GALNTL6: variants seen among roughly 807,000 people sequenced by gnomAD.
GALNTL6 encodes the protein polypeptide N-acetylgalactosaminyltransferase like 6, also known as polypeptide N-acetylgalactosaminyltransferase-like 6.
A neutral mutation model predicts 73.7 loss-of-function variants in GALNTL6; 46 were observed. The ratio of observed to expected loss-of-function variants is 0.62; its 90% confidence interval spans 0.49 to 0.80. The LOEUF (loss-of-function observed/expected upper bound fraction) is 0.80. Ranked by LOEUF, GALNTL6 falls within the 30% of genes least tolerant of loss-of-function variation. GALNTL6 has a pLI of 0.00. For synonymous variants in GALNTL6, 259 were observed against 263.7 expected (o/e 0.98, Z 0.17); for missense variants, 604 against 755.0 (o/e 0.80, Z 2.34).
At chr4:172,010,931 T>C (rs1740987531) in intron 2 of GALNTL6, among the ~76,000 whole-genome samples, 1 of 152,104 alleles carries the variant, frequency 6.6e-6, no homozygotes, top group Admixed American at 6.6e-5. Flanking sequence ...TCTTGTAAGA[T>C]GGATGCTATA....
intron 5 of GALNTL6, among the ~76,000 whole-genome samples, chr4:172,568,085 T>C (rs1189028377): frequency 3.3e-5 from 5 of 152,200 alleles, no homozygotes; most frequent in African/African-American, 4.8e-5. Flanking sequence ...AATTAATATA[T>C]TGTATAAAAA....
intron 5 of GALNTL6, among the ~76,000 whole-genome samples, chr4:172,793,457 C>T (rs984621481): frequency 3.3e-5 from 5 of 152,252 alleles, no homozygotes; most frequent in Non-Finnish European, 7.4e-5. Flanking sequence ...ATGTCTATCT[C>T]AATTGCAGCA....
chr4:172,079,410 G>T (rs970720084), intron 2 of GALNTL6, among the ~76,000 whole-genome samples: 1 of 151,906 alleles, frequency 6.6e-6, no homozygotes, highest in Non-Finnish European at 1.5e-5. Context: ...TATATATAAT[G>T]CCTTTATGTA....
chr4:172,250,390 A>G (rs1737817903), intron 3 of GALNTL6, among the ~76,000 whole-genome samples: 1 of 152,182 alleles, frequency 6.6e-6, no homozygotes, highest in Non-Finnish European at 1.5e-5. Flanking sequence ...TAATGCTAGA[A>G]TGAGTTGACT....
intron 2 of GALNTL6, among the ~76,000 whole-genome samples, chr4:172,024,842 T>TC (rs1359090703): frequency 3.3e-5 from 5 of 150,806 alleles, no homozygotes; most frequent in African/African-American, 1.2e-4. Flanking sequence ...CTCCCTTCTT[T>TC]CGCTTATTCC....
chr4:172,882,088 G>A, intron 7 of GALNTL6, among the ~76,000 whole-genome samples: 1 of 151,734 alleles, frequency 6.6e-6, no homozygotes, highest in East Asian at 1.9e-4. Flanking sequence ...GGCCTACCAA[G>A]TGGTTATAAT....
intron 2 of GALNTL6, among the ~76,000 whole-genome samples, chr4:171,989,834 C>T (rs1289569883): frequency 3.9e-5 from 6 of 152,130 alleles, no homozygotes; most frequent in Admixed American, 2.0e-4. Flanking sequence ...AGGGTTGCTG[C>T]CGAACGAGCC....
At chr4:172,502,578 C>T (rs2110780311) in intron 5 of GALNTL6, among the ~76,000 whole-genome samples, 1 of 152,212 alleles carries the variant, frequency 6.6e-6, no homozygotes, top group East Asian at 1.9e-4. Flanking sequence ...ACTCTCTACC[C>T]CAAAGCATCA....
intron 5 of GALNTL6, among the ~76,000 whole-genome samples, chr4:172,757,411 G>C (rs1737813671): frequency 6.6e-6 from 1 of 152,148 alleles, no homozygotes; most frequent in African/African-American, 2.4e-5. Context: ...ACCCAACTGG[G>C]TTATAGGATT....
intron 2 of GALNTL6, among the ~76,000 whole-genome samples, chr4:172,155,383 G>T (rs1370670014): frequency 6.6e-6 from 1 of 152,146 alleles, no homozygotes; most frequent in South Asian, 2.1e-4. Context: ...GTCCGTGAAC[G>T]AAAGAAGAAG....
chr4:172,060,570 G>A (rs531684148), intron 2 of GALNTL6, among the ~76,000 whole-genome samples: 2 of 151,828 alleles, frequency 1.3e-5, no homozygotes, highest in East Asian at 1.9e-4. Flanking sequence ...TCTCTAGGAA[G>A]GCAAAATATT....
chr4:171,988,924 G>GA (rs1416895652), intron 2 of GALNTL6, among the ~76,000 whole-genome samples: 6 of 152,132 alleles, frequency 3.9e-5, no homozygotes, highest in Admixed American at 3.3e-4. Context: ...TTTGAACTGG[G>GA]GGAAAAGGTG....
chr4:173,029,749 T>C (rs181190517), intron 12 of GALNTL6, among the ~76,000 whole-genome samples: 7 of 152,354 alleles, frequency 4.6e-5, no homozygotes, highest in Non-Finnish European at 7.3e-5. Context: ...CAGGTCATCT[T>C]TTACATTATG....
At chr4:172,491,273 A>G (rs1242624308) in intron 5 of GALNTL6, among the ~76,000 whole-genome samples, 1 of 152,116 alleles carries the variant, frequency 6.6e-6, no homozygotes, top group Non-Finnish European at 1.5e-5. Context: ...GTGTAAATAA[A>G]TTTTATGAAT....
intron 9 of GALNTL6, among the ~76,000 whole-genome samples, chr4:172,938,351 T>C (rs1748733953): frequency 6.6e-6 from 1 of 152,102 alleles, no homozygotes; most frequent in African/African-American, 2.4e-5. Flanking sequence ...CCCAAGTCGA[T>C]TAATAAATGC....
chr4:172,177,845 G>GTA (rs1361193128), intron 2 of GALNTL6, among the ~76,000 whole-genome samples: 12 of 131,830 alleles, frequency 9.1e-5, no homozygotes, highest in African/African-American at 1.5e-4. Context: ...ATATATATGT[G>GTA]TATATATATA....
Position 172,414,944 on chromosome 4 carries a change from C to T in GALNTL6, c.553+66255C>T, listed in dbSNP as rs542598168. Among the ~76,000 whole-genome samples the T allele has an allele frequency of 2.0e-5, 3 of 152,220 alleles. No homozygotes were observed. In the South Asian group the frequency reaches 6.2e-4, roughly 32 times the overall value. On this transcript the variant is annotated intron_variant, in intron 5 of 12. Coordinates refer to ENST00000506823, the MANE Select transcript of GALNTL6 (RefSeq NM_001034845.3). ...GGTCAATAAAAGTCTCTTACAATAA[C>T]ATCCTTTTTTTCACTTTGCATACTC... is the stretch of plus-strand genomic sequence containing the variant.
intron 5 of GALNTL6, among the ~76,000 whole-genome samples, chr4:172,754,234 A>G (rs7691448): frequency 0.45 from 67,959 of 151,996 alleles, 17,646 homozygotes; most frequent in East Asian, 0.68. Context: ...TAAGTAGTAT[A>G]CACACATACA....
chr4:171,973,862 T>C (rs993512246), intron 2 of GALNTL6, among the ~76,000 whole-genome samples: 9 of 152,248 alleles, frequency 5.9e-5, no homozygotes, highest in Admixed American at 4.6e-4. Context: ...AAGCATTTAC[T>C]CTTTCATTGA....
Sources: allele counts gnomAD v4.1 joint callset (sites outside exome capture counted in the v4.1 genomes callset), GRCh38; gene constraint gnomAD v4.1.1; transcripts MANE v1.5; gene names NCBI Gene and HGNC (gene_info 2026-07-23, HGNC 2026-07-21).